Variants in RPTOR observed in about 807,000 individuals in gnomAD.
RPTOR encodes regulatory-associated protein of mTOR.
RPTOR carries 21 observed loss-of-function variants against 169.9 expected under a neutral mutation model. The observed-to-expected ratio is 0.12, with a 90% CI of 0.09 to 0.18. RPTOR has a LOEUF of 0.18. RPTOR is among the 10% of genes least tolerant of loss of function. The pLI is 1.00. For missense variants in RPTOR, 1,133 were observed against 1,855.9 expected (o/e 0.61, Z 7.16); for synonymous variants, 732 against 753.2 (o/e 0.97, Z 0.46).
chr17:80,872,398 G>T (rs2068061407), intron 13 of RPTOR, among the ~76,000 whole-genome samples: 1 of 152,170 alleles, frequency 6.6e-6, no homozygotes, highest in Non-Finnish European at 1.5e-5. Flanking sequence ...TGCGGACCAG[G>T]AAGGCAGAGG....
At position 80,633,460 on chromosome 17, in the gene RPTOR, G is replaced by A. The variant is rs550622458; in HGVS notation, c.265+7667G>A. On this transcript the variant is annotated intron_variant, in intron 2 of 33. Coordinates refer to ENST00000306801, the MANE Select transcript of RPTOR (RefSeq NM_020761.3). This position sits in a 1 kb window ranked among gnomAD's most constrained non-coding sequence, Gnocchi z 4.1. ...CGTGACCCTCCTCACCCTGGCGCTT[G>A]AAGGTGGCAGTCTCTTTGTTTTGTA... is the stretch of plus-strand genomic sequence containing the variant. 2.0e-5 allele frequency among the ~76,000 whole-genome samples: 3 copies of A among 152,338 alleles called. No homozygotes were observed. The highest frequency in any genetic ancestry group is 2.9e-5 in the Non-Finnish European group (2 of 68,034).
chr17:80,868,436 C>A (rs2068016692), intron 13 of RPTOR, among the ~76,000 whole-genome samples: 1 of 152,184 alleles, frequency 6.6e-6, no homozygotes, highest in Non-Finnish European at 1.5e-5. Context: ...CAGTCATATA[C>A]CACTGCACAC....
At chr17:80,557,167 G>C (rs11655721) in intron 1 of RPTOR, among the ~76,000 whole-genome samples, 67,275 of 151,992 alleles carry the variant, frequency 0.44, 15,182 homozygotes, top group Middle Eastern at 0.51. Context: ...TCACCCTGTG[G>C]AGTTCTAGAG....
intron 10 of RPTOR, among the ~76,000 whole-genome samples, chr17:80,840,352 ACACGG>A (rs2143683543): frequency 1.6e-5 from 2 of 125,760 alleles, no homozygotes; most frequent in Admixed American, 1.6e-4. Context: ...CACACTCACC[ACACGG>A]CAGCTCACTC....
intron 6 of RPTOR, among the ~76,000 whole-genome samples, 183 bp from the exon 7 acceptor site, chr17:80,791,267 C>A (rs904476218): frequency 6.6e-6 from 1 of 152,164 alleles, no homozygotes; most frequent in Non-Finnish European, 1.5e-5. Flanking sequence ...CACGCCTTGA[C>A]AGAATGGCAA....
At chr17:80,776,574 T>A (rs1219849318) in intron 6 of RPTOR, among the ~76,000 whole-genome samples, 3 of 152,154 alleles carry the variant, frequency 2.0e-5, no homozygotes, top group Non-Finnish European at 2.9e-5. Flanking sequence ...TCCGTCCGCC[T>A]CGGCCTCCCA....
chr17:80,587,844 A>G (rs950227546), intron 1 of RPTOR, among the ~76,000 whole-genome samples: 2 of 151,826 alleles, frequency 1.3e-5, no homozygotes, highest in African/African-American at 2.4e-5. Flanking sequence ...GTTATTAACT[A>G]TAGTCAGCAT....
At chr17:80,742,463 ACG>A (rs1473063395) in intron 5 of RPTOR, among the ~76,000 whole-genome samples, 3 of 148,024 alleles carry the variant, frequency 2.0e-5, no homozygotes, top group Non-Finnish European at 4.5e-5. Flanking sequence ...ACACACACAC[ACG>A]TATATAAGCA....
In RPTOR at chr17:80,964,648, A is replaced by C; in HGVS notation, c.*318A>C. On this transcript the variant is annotated 3_prime_UTR_variant, in exon 34 of 34. Coordinates refer to ENST00000306801, the MANE Select transcript of RPTOR (RefSeq NM_020761.3). ...TCTCTGAGACGCTGAAAGGGGAAAC[A>C]CCTCACTTTATTTCCATGTAATCAG... The C allele has an allele frequency of 7.2e-6, 3 of 415,188 alleles. No individual in the cohort carries two copies. Among genetic ancestry groups the C allele is most frequent in the Non-Finnish European group, 8.9e-6 (2 of 225,568 alleles). 25.7% of individuals were successfully genotyped at this position (415,188 alleles called of 1,614,324 possible). A position where few individuals can be genotyped will look rare whatever the true frequency, so the allele number is the denominator to read the frequency against.
chr17:80,823,294 C>A lies in RPTOR; in HGVS notation c.1136+71C>A. 1 of 1,578,622 alleles carries A rather than the reference C, an allele frequency of 6.3e-7. No homozygotes were observed. The highest frequency in any genetic ancestry group is 1.1e-5 in the South Asian group (1 of 87,262). ...GTGGCACTGTGATGTCATGGAATTG[C>A]ACGGAGCTGGGCAGGGAGGCCCCAC... On this transcript the variant is annotated intron_variant, in intron 9 of 33. Coordinates refer to ENST00000306801, the MANE Select transcript of RPTOR (RefSeq NM_020761.3). This position sits in a 1 kb window ranked among gnomAD's most constrained non-coding sequence, Gnocchi z 4.5.
chr17:80,621,376 G>A (rs571354293), intron 1 of RPTOR, among the ~76,000 whole-genome samples: 1 of 152,362 alleles, frequency 6.6e-6, no homozygotes, highest in Admixed American at 6.5e-5. Flanking sequence ...CATTTGTAGA[G>A]GTGGAGGGAA....
At chr17:80,753,549 C>G (rs1598282032) in intron 5 of RPTOR, among the ~76,000 whole-genome samples, 2 of 143,544 alleles carry the variant, frequency 1.4e-5, no homozygotes, top group South Asian at 4.4e-4. Context: ...AGGAGAATGG[C>G]GTGAACCCGG....
At chr17:80,545,818 G>A in intron 1 of RPTOR, 27 bp downstream of exon 1, 1 of 1,538,538 alleles carries the variant, frequency 6.5e-7, no homozygotes, top group Non-Finnish European at 8.8e-7. Flanking sequence ...GGCACCCCTT[G>A]AACTTGGTAG....
chr17:80,713,978 G>A (rs1258951112), intron 4 of RPTOR, among the ~76,000 whole-genome samples: 5 of 152,130 alleles, frequency 3.3e-5, no homozygotes, highest in African/African-American at 9.7e-5. Flanking sequence ...CGCTTTGGTT[G>A]CCCAGGCTGG....
Position 80,938,157 on chromosome 17 carries a change from C to G in RPTOR, c.2920-2339C>G, listed in dbSNP as rs1341678817. Among the ~76,000 whole-genome samples the G allele has an allele frequency of 3.9e-5, 6 of 152,262 alleles. No individual in the cohort carries two copies. In the South Asian group the frequency reaches 1.0e-3, roughly 26 times the overall value. ...TGGGGCCCCCTGAAACCCCTCAGCT[C>G]CTGTCTCCGGGCGTCCTGTGCCCCT... is the stretch of plus-strand genomic sequence containing the variant. On this transcript the variant is annotated intron_variant, in intron 24 of 33. Transcript: ENST00000306801.
At chr17:80,702,592 A>G (rs1454338069) in intron 3 of RPTOR, among the ~76,000 whole-genome samples, 4 of 152,196 alleles carry the variant, frequency 2.6e-5, no homozygotes, top group Non-Finnish European at 5.9e-5. Context: ...ATTAATTCCC[A>G]TGAAGCCCCA....
At position 80,744,323 on chromosome 17, in the gene RPTOR, A is replaced by T. The variant is rs796097060; in HGVS notation, c.655-9687A>T. ...CTAGCACAGCCCTGGTTACTAGCAC[A>T]GCCCTGGCTACTAGCACAGCCCTGG... On this transcript the variant is annotated intron_variant, in intron 5 of 33. Coordinates refer to ENST00000306801, the MANE Select transcript of RPTOR (RefSeq NM_020761.3). 8.2e-3 allele frequency among the ~76,000 whole-genome samples: 147 copies of T among 17,886 alleles called. 2 individuals carry two copies. The highest frequency in any genetic ancestry group is 0.013 in the Non-Finnish European group (72 of 5,470). 11.7% of individuals were successfully genotyped at this position (17,886 alleles called of 152,430 possible).
At chr17:80,934,889 C>T (rs1008390388) in intron 24 of RPTOR, among the ~76,000 whole-genome samples, 2 of 152,004 alleles carry the variant, frequency 1.3e-5, no homozygotes, top group Non-Finnish European at 2.9e-5. Flanking sequence ...TCCTCAGCAT[C>T]GTATTAACAA....
intron 1 of RPTOR, among the ~76,000 whole-genome samples, chr17:80,558,825 G>T (rs118158661): frequency 2.6e-5 from 4 of 152,246 alleles, no homozygotes; most frequent in Admixed American, 1.3e-4. Flanking sequence ...TGCCCCGCCC[G>T]TCACCCAGGA....
Sources: allele counts gnomAD v4.1 joint callset (sites outside exome capture counted in the v4.1 genomes callset), GRCh38; gene constraint gnomAD v4.1.1; non-coding constraint Gnocchi (gnomAD v3.1); transcripts MANE v1.5; gene names NCBI Gene and HGNC (gene_info 2026-07-23, HGNC 2026-07-21).